The following WIPI2 variants were observed in gnomAD, a reference collection of about 807,000 sequenced individuals.
The protein encoded by WIPI2 is WD repeat domain, phosphoinositide interacting 2.
In WIPI2, 28 loss-of-function variants were observed where a neutral mutation model predicts 52.3. The observed-to-expected ratio is 0.54, with a 90% CI of 0.40 to 0.73. The LOEUF is 0.73. Among genes scored for constraint, WIPI2 ranks in the 30% least tolerant of loss-of-function variants. The probability of loss-of-function intolerance (pLI) is 0.00; values close to 1 mark genes in which losing one functional copy is unlikely to be tolerated. For missense variants in WIPI2, 506 were observed against 602.9 expected, an observed-to-expected ratio of 0.84 and a Z score of 1.68; for synonymous variants, 268 against 245.0, an observed-to-expected ratio of 1.09 and a Z score of -0.88.
At chr7:5,219,307 G>T (rs4236379) in intron 7 of WIPI2, among the ~76,000 whole-genome samples, 142,528 of 152,302 alleles carry the variant, frequency 0.94, 66,718 homozygotes, top group East Asian at 0.96. Context: ...TATCCCAATA[G>T]CACCTTGTCC....
chr7:5,212,091 T>C (rs1442115050), intron 3 of WIPI2, among the ~76,000 whole-genome samples: 1 of 152,160 alleles, frequency 6.6e-6, no homozygotes, highest in Non-Finnish European at 1.5e-5. Flanking sequence ...ACAACACCAT[T>C]TGGGGAGTTT....
intron 1 of WIPI2, 41 bp downstream of exon 1, chr7:5,190,534 G>A: frequency 1.4e-6 from 2 of 1,447,174 alleles, no homozygotes; most frequent in South Asian, 1.4e-5. Flanking sequence ...GTGAGGCCAG[G>A]GTCGGACCCG....
At position 5,230,837 on chromosome 7, in the gene WIPI2, T is replaced by A. The variant is rs1472311786; in HGVS notation, c.1255T>A (p.Tyr419Asn). ...GTGACTTCGTCGTCTCTTTGCAGCCTACACAGACGACCTGGGTGCTGTGGG... is the reference window on the plus strand; with the variant it reads ...GTGACTTCGTCGTCTCTTTGCAGCCAACACAGACGACCTGGGTGCTGTGGG... ...YVPSSPTRLA[Y>N]TDDLGAVGGA... Residue 419 changes from tyrosine (Y) to asparagine (N), a missense_variant and splice_region_variant, in exon 13 of 13, where the codon TAC (tyrosine) becomes AAC (asparagine). Transcript: ENST00000288828. The surrounding 1 kb of genome is among the most constrained non-coding windows in gnomAD (Gnocchi z 4.8). 6.2e-7 allele frequency: 1 copy of A among 1,613,190 alleles called. No homozygotes were observed. The highest frequency in any genetic ancestry group is 1.1e-5 in the South Asian group (1 of 90,910).
intron 3 of WIPI2, among the ~76,000 whole-genome samples, chr7:5,203,733 C>T (rs939394418): frequency 7.3e-5 from 11 of 150,132 alleles, no homozygotes; most frequent in Non-Finnish European, 1.2e-4. Context: ...CCCGGATTCG[C>T]GCCATTCTCC....
At position 5,205,395 on chromosome 7, in the gene WIPI2, A is replaced by G. The variant is rs150450924; in HGVS notation, c.211+5737A>G. 1.6e-4 allele frequency among the ~76,000 whole-genome samples: 25 copies of G among 152,304 alleles called. No individual in the cohort carries two copies. The East Asian group carries it at 3.3e-3, about 20-fold the overall frequency. On this transcript the variant is annotated intron_variant, in intron 3 of 12. Coordinates refer to ENST00000288828, the MANE Select transcript of WIPI2 (RefSeq NM_015610.4). ...TTGGTTACTGACTCTTGTAAATGTG[A>G]TGAGAGTTATAGATCTATCTCCCCC...
At chr7:5,199,180 A>G (rs1048260875) in intron 2 of WIPI2, among the ~76,000 whole-genome samples, 3 of 151,922 alleles carry the variant, frequency 2.0e-5, no homozygotes, top group Admixed American at 6.6e-5. Flanking sequence ...CTACAAGGGC[A>G]CCACCATGCC....
At chr7:5,226,280 G>T (rs894797031) in intron 9 of WIPI2, 1 of 252,790 alleles carries the variant, frequency 4.0e-6, no homozygotes, top group Non-Finnish European at 7.8e-6. Context: ...TGAATGGCTC[G>T]TCTCTTACCT....
At chr7:5,213,796 C>CT (rs1782679634) in intron 3 of WIPI2, among the ~76,000 whole-genome samples, 1 of 146,264 alleles carries the variant, frequency 6.8e-6, no homozygotes, top group African/African-American at 2.8e-5. Context: ...CACCGTTCTC[C>CT]TGCCTCAGGC....
intron 6 of WIPI2, chr7:5,217,666 G>C (rs7800507): frequency 0.1 from 50,730 of 495,606 alleles, 2,989 homozygotes; most frequent in Middle Eastern, 0.14. Flanking sequence ...GGCGTTCAGA[G>C]CAGTGCTGAG....
At chr7:5,199,455 C>A in intron 2 of WIPI2, 121 bp from the exon 3 acceptor site, 1 of 763,716 alleles carries the variant, frequency 1.3e-6, no homozygotes, top group Non-Finnish European at 2.2e-6. Context: ...TTGCTCTGTG[C>A]TGATTTGTGG....
intron 3 of WIPI2, among the ~76,000 whole-genome samples, chr7:5,209,064 T>C (rs1002126174): frequency 7.2e-6 from 1 of 138,254 alleles, no homozygotes; most frequent in African/African-American, 2.7e-5. Flanking sequence ...TTTTGTAAAA[T>C]TTATTCCTAA....
At chr7:5,229,853 G>T in intron 12 of WIPI2, 115 bp downstream of exon 12, 1 of 1,443,496 alleles carries the variant, frequency 6.9e-7, no homozygotes, top group Non-Finnish European at 9.3e-7. Context: ...GATGGGGACT[G>T]GTTCTGAGAA....
chr7:5,225,570 A>C (rs1783387495), intron 8 of WIPI2, among the ~76,000 whole-genome samples: 1 of 152,194 alleles, frequency 6.6e-6, no homozygotes. Context: ...ACTTCAGCTA[A>C]AAGTGGTTTA....
chr7:5,218,280 C>A (rs566215235), intron 7 of WIPI2: 2 of 384,040 alleles, frequency 5.2e-6, no homozygotes, highest in African/African-American at 4.1e-5. Context: ...CCGTGTGTAA[C>A]CACACCGCTC....
rs1038765911 is a variant in WIPI2 at position 5,199,494 on chromosome 7, C to T, written c.129-82C>T. 1.6e-5 allele frequency: 20 copies of T among 1,252,278 alleles called. No homozygotes were observed. In the South Asian group the frequency reaches 1.8e-4, roughly 12 times the overall value. 77.6% of individuals were successfully genotyped at this position (1,252,278 alleles called of 1,614,324 possible). On this transcript the variant is annotated intron_variant, in intron 2 of 12. Coordinates refer to ENST00000288828, the MANE Select transcript of WIPI2 (RefSeq NM_015610.4). ...GCACGCGGGGAACTTGCTGGGAACT[C>T]GCTGGGAACGTGGGAGCTGGTTTCT...
intron 3 of WIPI2, 93 bp downstream of exon 3, chr7:5,199,751 G>A: frequency 7.9e-7 from 1 of 1,272,102 alleles, no homozygotes; most frequent in Non-Finnish European, 1.1e-6. Flanking sequence ...CGCTGTGGTT[G>A]AAGTCCAGAC....
chr7:5,200,743 G>A (rs1233151562), intron 3 of WIPI2, among the ~76,000 whole-genome samples: 1 of 152,176 alleles, frequency 6.6e-6, no homozygotes, highest in Admixed American at 6.5e-5. Context: ...TCGCTCCTGG[G>A]CCCTGGCCTC....
intron 12 of WIPI2, among the ~76,000 whole-genome samples, 191 bp downstream of exon 12, chr7:5,229,929 C>CTT (rs548650698): frequency 1.3e-4 from 18 of 137,906 alleles, no homozygotes; most frequent in South Asian, 2.4e-4. Flanking sequence ...GTTTCGTTTC[C>CTT]TTTTTTTTTT....
At chr7:5,200,717 G>C (rs962311455) in intron 3 of WIPI2, among the ~76,000 whole-genome samples, 5 of 152,164 alleles carry the variant, frequency 3.3e-5, no homozygotes, top group Admixed American at 3.3e-4. Flanking sequence ...CCGCCAGCAG[G>C]TGCGGCCTTT....
Sources: allele counts gnomAD v4.1 joint callset (sites outside exome capture counted in the v4.1 genomes callset), GRCh38; gene constraint gnomAD v4.1.1; non-coding constraint Gnocchi (gnomAD v3.1); transcripts MANE v1.5; gene names NCBI Gene and HGNC (gene_info 2026-07-23, HGNC 2026-07-21).